PDE4D: variants seen among roughly 807,000 people sequenced by gnomAD.
PDE4D encodes phosphodiesterase 4D.
A neutral mutation model predicts 87.4 loss-of-function variants in PDE4D; 24 were observed. That is an observed-to-expected ratio of 0.27 (90% confidence interval 0.20 to 0.39). The LOEUF is 0.39. Among genes scored for constraint, PDE4D ranks in the 10% least tolerant of loss-of-function variants. The probability of loss-of-function intolerance (pLI) is 1.00; values close to 1 mark genes in which losing one functional copy is unlikely to be tolerated. For synonymous variants in PDE4D, 384 were observed against 383.2 expected, an observed-to-expected ratio of 1.00 and a Z score of -0.02; for missense variants, 714 against 1,041.0, an observed-to-expected ratio of 0.69 and a Z score of 4.32.
At chr5:59,299,244 C>T (rs761620709) in intron 1 of PDE4D, among the ~76,000 whole-genome samples, 4 of 152,126 alleles carry the variant, frequency 2.6e-5, no homozygotes, top group South Asian at 2.1e-4. Flanking sequence ...TAATGACCCC[C>T]GGAAGCAGGT....
At chr5:59,617,059 T>C (rs963219151) in intron 1 of PDE4D, among the ~76,000 whole-genome samples, 1 of 151,522 alleles carries the variant, frequency 6.6e-6, no homozygotes, top group Admixed American at 6.6e-5. Context: ...GCTGAGGGTG[T>C]ATCTTCTCTT....
At chr5:60,090,023 A>G (rs945276310) in intron 2 of PDE4D, among the ~76,000 whole-genome samples, 1 of 152,108 alleles carries the variant, frequency 6.6e-6, no homozygotes, top group Admixed American at 6.5e-5. Context: ...TGCAGTAGTA[A>G]TAAAGCCTCC....
chr5:59,166,857 G>A (rs1385008726), intron 5 of PDE4D, among the ~76,000 whole-genome samples: 1 of 152,118 alleles, frequency 6.6e-6, no homozygotes, highest in Non-Finnish European at 1.5e-5. Flanking sequence ...GTCTGTAAAT[G>A]GTCTCTAAAG....
chr5:60,023,056 T>G (rs1251772500), intron 2 of PDE4D, among the ~76,000 whole-genome samples: 1 of 152,188 alleles, frequency 6.6e-6, no homozygotes, highest in Non-Finnish European at 1.5e-5. Flanking sequence ...TCAGGAGGCC[T>G]CTGGAGCAAA....
intron 1 of PDE4D, among the ~76,000 whole-genome samples, chr5:60,431,338 G>T (rs1456377423): frequency 6.6e-6 from 1 of 150,804 alleles, no homozygotes; most frequent in African/African-American, 2.4e-5. Context: ...CAGGCAGAGG[G>T]TCTCCTCACT....
At chr5:59,640,002 C>T (rs1425830385) in intron 1 of PDE4D, among the ~76,000 whole-genome samples, 1 of 151,220 alleles carries the variant, frequency 6.6e-6, no homozygotes, top group African/African-American at 2.4e-5. Context: ...ATAAACAATA[C>T]TGAATTAAAA....
In PDE4D at chr5:59,999,896, AAAAC is replaced by A. The variant is rs150669088; in HGVS notation, c.43-11183_43-11180del. The stretch of plus-strand genomic sequence containing the variant: ...GAGAATATCAACAAACTTCAAAAAG[AAAAC>A]AAACATTCATGGAGATGAATACAGT... On this transcript the variant is annotated intron_variant, in intron 2 of 16. Transcript: ENST00000502484. Among the ~76,000 whole-genome samples the A allele has an allele frequency of 1.2e-3, 187 of 152,248 alleles. 2 individuals carry two copies. In the East Asian group the frequency reaches 0.031, roughly 25 times the overall value.
In PDE4D at chr5:60,417,517, C is replaced by A. The variant is rs186740466; in HGVS notation, c.-90+70425G>T. Among the ~76,000 whole-genome samples the A allele has an allele frequency of 6.6e-4, 101 of 152,276 alleles. 1 individual carries two copies. The highest frequency in any genetic ancestry group is 2.9e-5 in the Non-Finnish European group (2 of 68,020). On this transcript the variant is annotated intron_variant, in intron 1 of 16. Coordinates refer to the PDE4D transcript ENST00000502484. ...TCTCAGAGGAAAAATCAACTACATT[C>A]GCAACATCTTTTCAAGCCATTCAGT...
At chr5:60,466,354 A>C (rs1747352694) in intron 1 of PDE4D, among the ~76,000 whole-genome samples, 1 of 152,184 alleles carries the variant, frequency 6.6e-6, no homozygotes, top group Non-Finnish European at 1.5e-5. Context: ...AGATGCATTC[A>C]TTTAAAAATT....
intron 1 of PDE4D, among the ~76,000 whole-genome samples, chr5:59,266,308 T>C (rs1209120088): frequency 6.6e-6 from 1 of 151,864 alleles, no homozygotes; most frequent in Non-Finnish European, 1.5e-5. Context: ...CAAATCTTTT[T>C]ACCACTTAAG....
At chr5:59,276,853 A>T (rs907568952) in intron 1 of PDE4D, among the ~76,000 whole-genome samples, 5 of 152,114 alleles carry the variant, frequency 3.3e-5, no homozygotes, top group Admixed American at 3.3e-4. Context: ...CACCTCCTAA[A>T]TATAAAATAT....
At chr5:60,013,601 A>G (rs1454565397) in intron 2 of PDE4D, among the ~76,000 whole-genome samples, 1 of 152,148 alleles carries the variant, frequency 6.6e-6, no homozygotes, top group East Asian at 1.9e-4. Flanking sequence ...CTACTAGTAA[A>G]AGGTACAAGA....
intron 1 of PDE4D, among the ~76,000 whole-genome samples, chr5:60,315,056 A>G (rs1010457495): frequency 4.6e-5 from 7 of 152,206 alleles, no homozygotes; most frequent in Non-Finnish European, 8.8e-5. Context: ...CTGAGGAATC[A>G]CCACACTGTC....
intron 1 of PDE4D, among the ~76,000 whole-genome samples, chr5:59,686,678 A>G: frequency 6.6e-6 from 1 of 152,192 alleles, no homozygotes; most frequent in Non-Finnish European, 1.5e-5. Context: ...CACAGGTTAT[A>G]TCTCAACACA....
intron 2 of PDE4D, chr5:60,021,912 T>C (rs1456353164): frequency 6.6e-6 from 1 of 152,222 alleles, no homozygotes; most frequent in Non-Finnish European, 1.5e-5. Context: ...GGAGCCTTGC[T>C]ACATTGTGTA....
chr5:59,667,883 T>C (rs1423282516), intron 1 of PDE4D, among the ~76,000 whole-genome samples: 1 of 152,214 alleles, frequency 6.6e-6, no homozygotes. Context: ...GCCTGCTAAT[T>C]CTCTTCATCC....
chr5:59,363,240 G>A lies in PDE4D; in HGVS notation c.456-147272C>T, dbSNP rs989048595. On this transcript the variant is annotated intron_variant, in intron 1 of 14. Coordinates refer to ENST00000340635, the MANE Select transcript of PDE4D (RefSeq NM_001104631.2). Reference sequence around the variant, plus strand: ...ACTGAATAGGGTAACTAACATGAAAGTGTTCTGAAGACTCTGCACAGAATT... The same window carrying A: ...ACTGAATAGGGTAACTAACATGAAAATGTTCTGAAGACTCTGCACAGAATT... 4.6e-5 allele frequency among the ~76,000 whole-genome samples: 7 copies of A among 152,238 alleles called. No homozygotes were observed. The East Asian group carries it at 1.4e-3, about 29-fold the overall frequency.
Position 60,428,353 on chromosome 5 carries a change from A to G in PDE4D, c.-90+59589T>C, listed in dbSNP as rs555738503. 2.0e-5 allele frequency among the ~76,000 whole-genome samples: 3 copies of G among 152,286 alleles called. No individual in the cohort carries two copies. The South Asian group carries it at 6.2e-4, about 32-fold the overall frequency. ...CACTAAAAAATATTCAAATGCTCTG[A>G]AAAGAGCAGGAAAGAAACAACAGAG... On this transcript the variant is annotated intron_variant, in intron 1 of 16. Transcript: ENST00000502484.
chr5:58,976,917 G>T (rs1743954486), intron 12 of PDE4D, among the ~76,000 whole-genome samples: 2 of 152,160 alleles, frequency 1.3e-5, no homozygotes, highest in Admixed American at 1.3e-4. Context: ...ATCTGCTTTT[G>T]TTAGTCATTT....
Sources: allele counts gnomAD v4.1 joint callset (sites outside exome capture counted in the v4.1 genomes callset), GRCh38; gene constraint gnomAD v4.1.1; transcripts MANE v1.5; gene names NCBI Gene and HGNC (gene_info 2026-07-23, HGNC 2026-07-21).